The following EVC variants were observed in gnomAD, a reference collection of about 807,000 sequenced individuals.
EVC encodes the protein EvC ciliary complex subunit 1, also known as evC complex member EVC.
In EVC, 116 loss-of-function variants were observed where a neutral mutation model predicts 118.9. The ratio of observed to expected loss-of-function variants is 0.98; its 90% CI spans 0.84 to 1.14. EVC has a LOEUF of 1.14. EVC is among the 50% of genes most tolerant of loss of function. The probability of loss-of-function intolerance (pLI) is 0.00; values close to 1 mark genes in which losing one functional copy is unlikely to be tolerated. For missense variants in EVC, 1,401 were observed against 1,246.4 expected, an observed-to-expected ratio of 1.12 and a Z score of -1.87; for synonymous variants, 619 against 534.7, an observed-to-expected ratio of 1.16 and a Z score of -2.18.
At chr4:5,776,358 T>G (rs957004278) in intron 11 of EVC, among the ~76,000 whole-genome samples, 40 of 152,154 alleles carry the variant, frequency 2.6e-4, no homozygotes, top group Non-Finnish European at 1.0e-4. Context: ...ACCCTGTGTT[T>G]ACTAGGTGCT....
chr4:5,790,106 G>C lies in EVC; in HGVS notation c.1777-3502G>C, dbSNP rs184662168. Among the ~76,000 whole-genome samples, 648 of 149,206 alleles carry C rather than the reference G, an allele frequency of 4.3e-3. 3 individuals are homozygous for C. Among genetic ancestry groups the C allele is most frequent in the African/African-American group, 0.015 (616 of 40,566 alleles). On this transcript the variant is annotated intron_variant, in intron 12 of 20. Transcript: ENST00000264956. ...TGAGGCAGGAGAATCCCTTGAACTCGGGAAGCGGAGGTTGCAGCGAGCTGA... is the reference window on the plus strand; with the variant it reads ...TGAGGCAGGAGAATCCCTTGAACTCCGGAAGCGGAGGTTGCAGCGAGCTGA...
chr4:5,825,453 T>A, the EVC span: 1 of 1,531,292 alleles, frequency 6.5e-7, no homozygotes, highest in Non-Finnish European at 8.7e-7. This position sits in a 1 kb window ranked among gnomAD's most constrained non-coding sequence, Gnocchi z 4.4. Flanking sequence ...CGGCCTGAAC[T>A]GCTGCAATTG....
intron 7 of EVC, chr4:5,747,943 G>GACTGAC (rs1577416458): frequency 1.6e-6 from 1 of 612,024 alleles, no homozygotes; most frequent in East Asian, 3.3e-5. Flanking sequence ...TTGCAAAACT[G>GACTGAC]ACTGACACTG....
chr4:5,740,327 C>T (rs546861381), intron 5 of EVC, among the ~76,000 whole-genome samples: 7 of 151,876 alleles, frequency 4.6e-5, no homozygotes, highest in South Asian at 2.1e-4. Context: ...AAAAATTAGC[C>T]GGGTGTGGTG....
chr4:5,729,136 C>G lies in EVC; in HGVS notation c.301-171C>G, dbSNP rs111861127. Among the ~76,000 whole-genome samples, 5 of 152,196 alleles carry G rather than the reference C, an allele frequency of 3.3e-5. No individual in the cohort carries two copies. In the South Asian group the frequency reaches 1.0e-3, roughly 32 times the overall value. On this transcript the variant is annotated intron_variant, in intron 2 of 20. Transcript: ENST00000264956. Reference sequence around the variant, plus strand: ...TCCATCCATCTGTTTGTCCACCCATCCATCCATTTTCCTTCTGGCAAGGAA... The same window carrying G: ...TCCATCCATCTGTTTGTCCACCCATGCATCCATTTTCCTTCTGGCAAGGAA...
intron 1 of EVC, among the ~76,000 whole-genome samples, chr4:5,714,576 T>C (rs2151802825): frequency 6.6e-6 from 1 of 150,738 alleles, no homozygotes; most frequent in African/African-American, 2.4e-5. Flanking sequence ...CTCTGTTGCC[T>C]CCCTTCCTCC....
Position 5,742,815 on chromosome 4 carries a change from G to C in EVC, c.801+1001G>C, listed in dbSNP as rs1728809428. Among the ~76,000 whole-genome samples the C allele has an allele frequency of 6.6e-6, 1 of 152,216 alleles. No individual in the cohort carries two copies. The highest frequency in any genetic ancestry group is 2.4e-5 in the African/African-American group (1 of 41,460). On this transcript the variant is annotated intron_variant, in intron 6 of 20. Coordinates refer to ENST00000264956, the MANE Select transcript of EVC (RefSeq NM_153717.3). The surrounding 1 kb of genome is among the most constrained non-coding windows in gnomAD (Gnocchi z 5.2). Reference sequence around the variant, plus strand: ...CAAGCTCCAGAATAGGGTTTAGCCTGGGAGGGTACTTGGCTTCACCTAGGA... The same window carrying C: ...CAAGCTCCAGAATAGGGTTTAGCCTCGGAGGGTACTTGGCTTCACCTAGGA...
intron 11 of EVC, among the ~76,000 whole-genome samples, chr4:5,780,996 A>G (rs114245271): frequency 0.011 from 1,688 of 152,328 alleles, 35 homozygotes; most frequent in African/African-American, 0.038. Context: ...CCAGGAAGCT[A>G]TCTTGAGCTT....
At position 5,771,035 on chromosome 4, in the gene EVC, C is replaced by G. The variant is rs191086332; in HGVS notation, c.1564-12517C>G. Among the ~76,000 whole-genome samples the G allele has an allele frequency of 4.0e-5, 6 of 151,710 alleles. No homozygotes were observed. The East Asian group carries it at 1.2e-3, about 29-fold the overall frequency. On this transcript the variant is annotated intron_variant, in intron 11 of 20. Coordinates refer to ENST00000264956, the MANE Select transcript of EVC (RefSeq NM_153717.3). ...TCAAAAAAAAAAAGAAAAGAAAATACATCAATGCATCAGCTAAACAATTGT... is the reference window on the plus strand; with the variant it reads ...TCAAAAAAAAAAAGAAAAGAAAATAGATCAATGCATCAGCTAAACAATTGT...
rs377066936 is a variant in EVC at position 5,804,809 on chromosome 4, C to T, written c.2529C>T (p.Gly843=). The T allele has an allele frequency of 2.2e-5, 35 of 1,613,980 alleles. No homozygotes were observed. The highest frequency in any genetic ancestry group is 2.2e-5 in the Non-Finnish European group (26 of 1,180,032). Residue 843 remains glycine, a synonymous_variant, in exon 17 of 21, where the codon GGC becomes GGT. Transcript: ENST00000264956. The stretch of plus-strand genomic sequence containing the variant: ...CGTCGGGCAGCAGGACGGCAGGTGG[C>T]GCTCATGAGACCTCCCAGGCGGTCC... ...NPSSGSRTAG[G]AHETSQAVHQ...
At chr4:5,793,048 A>G (rs1431231997) in intron 12 of EVC, among the ~76,000 whole-genome samples, 5 of 152,170 alleles carry the variant, frequency 3.3e-5, no homozygotes, top group African/African-American at 1.2e-4. Flanking sequence ...AGCTGATCCT[A>G]AAAGTCATAT....
chr4:5,786,131 A>G (rs111252433), intron 12 of EVC, among the ~76,000 whole-genome samples: 3 of 152,362 alleles, frequency 2.0e-5, no homozygotes, highest in African/African-American at 7.2e-5. Context: ...ATTTTACACA[A>G]CTTGCTAAAA....
chr4:5,811,325 G>A lies in EVC; in HGVS notation c.*288G>A, dbSNP rs1447778718. On this transcript the variant is annotated 3_prime_UTR_variant, in exon 21 of 21. Coordinates refer to ENST00000264956, the MANE Select transcript of EVC (RefSeq NM_153717.3). ...TGGATCTTTCTCCCCAAGGAGGGAC[G>A]TCTTGAGGGGTCCGAGCCTCAGGCC... 1.9e-5 allele frequency: 8 copies of A among 421,300 alleles called. No homozygotes were observed. The highest frequency in any genetic ancestry group is 1.4e-4 in the Admixed American group (4 of 27,676). 26.1% of individuals were successfully genotyped at this position (421,300 alleles called of 1,614,324 possible). A position where few individuals can be genotyped will look rare whatever the true frequency, so the allele number is the denominator to read the frequency against.
At chr4:5,778,792 C>T (rs1352954099) in intron 11 of EVC, among the ~76,000 whole-genome samples, 4 of 152,068 alleles carry the variant, frequency 2.6e-5, no homozygotes, top group East Asian at 3.8e-4. Flanking sequence ...TTGTGGGTTG[C>T]CTGTTCACTC....
intron 2 of EVC, among the ~76,000 whole-genome samples, chr4:5,727,340 T>TC (rs1726019689): frequency 6.6e-6 from 1 of 152,234 alleles, no homozygotes; most frequent in Admixed American, 6.5e-5. Context: ...GAGCATTTTT[T>TC]CATGTGTTTT....
intron 1 of EVC, among the ~76,000 whole-genome samples, chr4:5,718,703 T>C (rs1724400867): frequency 6.6e-6 from 1 of 152,214 alleles, no homozygotes; most frequent in African/African-American, 2.4e-5. Flanking sequence ...GTTTGGGGGT[T>C]CTAAATAAAT....
At chr4:5,733,265 T>A (rs1303894834) in intron 4 of EVC, 86 bp from the exon 5 acceptor site, 1 of 1,081,394 alleles carries the variant, frequency 9.2e-7, no homozygotes, top group Non-Finnish European at 1.4e-6. Context: ...GTGCTGTGGC[T>A]TGTACTGATG....
chr4:5,804,305 A>G (rs957202371), intron 16 of EVC, among the ~76,000 whole-genome samples: 1 of 152,198 alleles, frequency 6.6e-6, no homozygotes, highest in Non-Finnish European at 1.5e-5. Context: ...AACAAGAAGG[A>G]GCTCCAAGAA....
chr4:5,757,775 G>C (rs1731400800), intron 11 of EVC, among the ~76,000 whole-genome samples: 1 of 152,154 alleles, frequency 6.6e-6, no homozygotes, highest in Admixed American at 6.5e-5. Context: ...TAAAGGCCCT[G>C]TCTCCAAATA....
Sources: gnomAD v4.1 joint callset for allele counts (sites outside exome capture counted in the v4.1 genomes callset) on GRCh38, gnomAD v4.1.1 for gene constraint, Gnocchi (gnomAD v3.1) non-coding constraint, MANE v1.5 for transcripts, NCBI Gene and HGNC (gene_info 2026-07-23, HGNC 2026-07-21) for gene names.